The following KLF7 variants were observed in gnomAD, a reference collection of about 807,000 sequenced individuals.
The protein encoded by KLF7 is KLF transcription factor 7.
A neutral mutation model predicts 27.3 loss-of-function variants in KLF7; 2 were observed. The observed-to-expected ratio is 0.07, with a 90% confidence interval of 0.03 to 0.23. KLF7 has a LOEUF of 0.23. Among genes scored for constraint, KLF7 ranks in the 10% least tolerant of loss-of-function variants. KLF7 has a pLI of 1.00. For missense variants in KLF7, 221 were observed against 394.1 expected (o/e 0.56, Z 3.72); for synonymous variants, 165 against 162.4 (o/e 1.02, Z -0.12).
intron 2 of KLF7, among the ~76,000 whole-genome samples, chr2:207,107,708 A>C (rs926590240): frequency 6.6e-6 from 1 of 152,138 alleles, no homozygotes; most frequent in Non-Finnish European, 1.5e-5. Flanking sequence ...CTATCTGCCA[A>C]ATGCCAGCCG....
intron 1 of KLF7, among the ~76,000 whole-genome samples, chr2:207,144,965 T>C (rs1459116855): frequency 1.3e-5 from 2 of 152,224 alleles, no homozygotes; most frequent in South Asian, 2.1e-4. Context: ...TTTAGCCACA[T>C]ACCAAGCCAG....
chr2:207,151,281 T>C (rs1162608422), intron 1 of KLF7, among the ~76,000 whole-genome samples: 1 of 152,144 alleles, frequency 6.6e-6, no homozygotes, highest in Non-Finnish European at 1.5e-5. Flanking sequence ...TGTGTTAACA[T>C]GTGAATATGT....
At chr2:207,130,990 C>T (rs928400087) in intron 1 of KLF7, among the ~76,000 whole-genome samples, 2 of 152,190 alleles carry the variant, frequency 1.3e-5, no homozygotes, top group East Asian at 3.9e-4. Flanking sequence ...TAGCCAGCTG[C>T]CCTTAATCTC....
chr2:207,114,418 A>C (rs1196115650), intron 2 of KLF7, among the ~76,000 whole-genome samples: 1 of 152,224 alleles, frequency 6.6e-6, no homozygotes, highest in Admixed American at 6.5e-5. Context: ...ATAACCAAGC[A>C]ACGAATTCCA....
rs1223510567 is a variant in KLF7 at position 207,079,369 on chromosome 2, G to A, written c.*1844C>T. 6.6e-6 allele frequency: 1 copy of A among 152,178 alleles called. No homozygotes were observed. Among genetic ancestry groups the A allele is most frequent in the Non-Finnish European group, 1.5e-5 (1 of 68,036 alleles). 9.4% of individuals were successfully genotyped at this position (152,178 alleles called of 1,614,324 possible). A position where few individuals can be genotyped will look rare whatever the true frequency, so the allele number is the denominator to read the frequency against. ...ATATGTATGGGGTGGCATTTTAACA[G>A]TCAATGAGTCAAACAGTCAAAGGAG... On this transcript the variant is annotated 3_prime_UTR_variant, in exon 4 of 4. Transcript: ENST00000309446.
chr2:207,078,198 T>C lies in KLF7; in HGVS notation c.*3015A>G, dbSNP rs1160121511. The C allele has an allele frequency of 6.6e-6, 1 of 152,214 alleles. No homozygotes were observed. The highest frequency in any genetic ancestry group is 1.5e-5 in the Non-Finnish European group (1 of 68,056). The allele number at this position is 152,214 out of a possible 1,614,324, so 9.4% of individuals were successfully genotyped here. On this transcript the variant is annotated 3_prime_UTR_variant, in exon 4 of 4. Coordinates refer to ENST00000309446, the MANE Select transcript of KLF7 (RefSeq NM_003709.4). Reference sequence around the variant, plus strand: ...CTAAAGAAGAACAGTTTCAAAGCCATCCACTTAGCACCCACCAAATTCTTA... The same window carrying C: ...CTAAAGAAGAACAGTTTCAAAGCCACCCACTTAGCACCCACCAAATTCTTA...
intron 1 of KLF7, among the ~76,000 whole-genome samples, chr2:207,164,330 A>T (rs1449077815): frequency 1.3e-5 from 2 of 151,880 alleles, no homozygotes; most frequent in African/African-American, 4.8e-5. Flanking sequence ...CCCTCCCCCC[A>T]AGGGCAAGCG....
chr2:207,134,406 C>T (rs2077727275), intron 1 of KLF7, among the ~76,000 whole-genome samples: 1 of 152,040 alleles, frequency 6.6e-6, no homozygotes, highest in African/African-American at 2.4e-5. Flanking sequence ...GTGGCAGATG[C>T]AATTTAGTGG....
At chr2:207,150,532 G>A (rs1186395086) in intron 1 of KLF7, among the ~76,000 whole-genome samples, 1 of 152,136 alleles carries the variant, frequency 6.6e-6, no homozygotes, top group East Asian at 1.9e-4. Flanking sequence ...CAATTACACC[G>A]TACAGCATGT....
At chr2:207,090,265 T>C (rs979558605) in intron 2 of KLF7, among the ~76,000 whole-genome samples, 2 of 152,112 alleles carry the variant, frequency 1.3e-5, no homozygotes, top group African/African-American at 4.8e-5. Context: ...CACTGAGCAG[T>C]GTTAAAAGTT....
At chr2:207,083,783 G>A (rs567439435) in intron 3 of KLF7, among the ~76,000 whole-genome samples, 6 of 152,310 alleles carry the variant, frequency 3.9e-5, no homozygotes, top group South Asian at 2.1e-4. Context: ...CCATCACAAC[G>A]GTTCTTAAAA....
upstream of KLF7, among the ~76,000 whole-genome samples, chr2:207,167,510 C>A (rs1033611027): frequency 6.6e-6 from 1 of 152,302 alleles, no homozygotes; most frequent in East Asian, 1.9e-4. Context: ...AGATTCTACT[C>A]TATGAAATAA....
intron 2 of KLF7, among the ~76,000 whole-genome samples, chr2:207,111,721 G>C (rs919944034): frequency 6.6e-6 from 1 of 152,148 alleles, no homozygotes; most frequent in African/African-American, 2.4e-5. Flanking sequence ...TTTAAACATG[G>C]AGACATCAAA....
chr2:207,140,770 G>A (rs1434566307), intron 1 of KLF7, among the ~76,000 whole-genome samples: 3 of 152,226 alleles, frequency 2.0e-5, no homozygotes, highest in Non-Finnish European at 4.4e-5. Context: ...GGGTGGGCCA[G>A]TGGGTGAGGA....
chr2:207,150,893 A>G (rs2078224251), intron 1 of KLF7, among the ~76,000 whole-genome samples: 1 of 152,110 alleles, frequency 6.6e-6, no homozygotes, highest in African/African-American at 2.4e-5. Flanking sequence ...CATTAATAGA[A>G]GATAATCATA....
intron 2 of KLF7, among the ~76,000 whole-genome samples, chr2:207,093,641 C>A (rs765528067): frequency 1.1e-4 from 17 of 152,224 alleles, no homozygotes; most frequent in South Asian, 2.1e-4. Context: ...AGAGCATAAG[C>A]TTCATGCAGA....
At position 207,119,790 on chromosome 2, in the gene KLF7, G is replaced by C. The variant is rs4675647; in HGVS notation, c.733+3984C>G. Among the ~76,000 whole-genome samples the C allele has an allele frequency of 1.1e-3, 160 of 151,990 alleles. 4 individuals carry two copies. The South Asian group carries it at 0.033, about 31-fold the overall frequency. ...GCAATCTCGGCGCACTGCAACCTCCGCCTCCTGGGGTCAAGCGATTCTCCT... is the reference window on the plus strand; with the variant it reads ...GCAATCTCGGCGCACTGCAACCTCCCCCTCCTGGGGTCAAGCGATTCTCCT... On this transcript the variant is annotated intron_variant, in intron 2 of 3. Transcript: ENST00000309446.
chr2:207,113,143 T>C (rs2077080285), intron 2 of KLF7, among the ~76,000 whole-genome samples: 1 of 152,250 alleles, frequency 6.6e-6, no homozygotes, highest in African/African-American at 2.4e-5. Context: ...GGTGGCACTA[T>C]CCTTAAGATG....
At chr2:207,129,905 G>T (rs916934315) in intron 1 of KLF7, among the ~76,000 whole-genome samples, 6 of 152,162 alleles carry the variant, frequency 3.9e-5, no homozygotes, top group Admixed American at 1.3e-4. Context: ...AAGTTTTGTG[G>T]CACATATTAA....
Sources: allele counts gnomAD v4.1 joint callset (sites outside exome capture counted in the v4.1 genomes callset), GRCh38; gene constraint gnomAD v4.1.1; transcripts MANE v1.5; gene names NCBI Gene and HGNC (gene_info 2026-07-23, HGNC 2026-07-21).